RBPJ: variants seen among roughly 807,000 people sequenced by gnomAD.
RBPJ encodes recombination signal binding protein for immunoglobulin kappa J region.
RBPJ carries 9 observed loss-of-function variants against 67.8 expected under a neutral mutation model. The observed-to-expected ratio is 0.13, with a 90% CI of 0.08 to 0.23. The LOEUF is 0.23. RBPJ is among the 10% of genes least tolerant of loss of function. The probability of loss-of-function intolerance (pLI) is 1.00; values close to 1 mark genes in which losing one functional copy is unlikely to be tolerated. For missense variants in RBPJ, 305 were observed against 595.6 expected (o/e 0.51, Z 5.08); for synonymous variants, 198 against 203.3 (o/e 0.97, Z 0.22).
chr4:26,168,531 G>A (rs1716412982), intron 1 of RBPJ, among the ~76,000 whole-genome samples: 2 of 152,136 alleles, frequency 1.3e-5, no homozygotes, highest in African/African-American at 2.4e-5. Flanking sequence ...CAACTTTGGT[G>A]AATCTGACAA....
intron 1 of RBPJ, among the ~76,000 whole-genome samples, chr4:26,294,555 G>A (rs191395436): frequency 2.2e-4 from 34 of 152,228 alleles, no homozygotes; most frequent in East Asian, 1.2e-3. Flanking sequence ...ATGGTGCCCC[G>A]GACTAGGGCG....
chr4:26,164,564 A>G (rs1052496759), intron 1 of RBPJ, among the ~76,000 whole-genome samples: 1 of 152,252 alleles, frequency 6.6e-6, no homozygotes, highest in African/African-American at 2.4e-5. Context: ...CTGCATGTCT[A>G]CAACATGGCT....
At chr4:26,123,194 C>G in the RBPJ span, among the ~76,000 whole-genome samples, 1 of 152,146 alleles carries the variant, frequency 6.6e-6, no homozygotes, top group Admixed American at 6.5e-5. Flanking sequence ...GCCTATTGCT[C>G]CCAGAATACA....
At chr4:26,241,101 G>A (rs369831022) in intron 1 of RBPJ, among the ~76,000 whole-genome samples, 1 of 151,998 alleles carries the variant, frequency 6.6e-6, no homozygotes, top group East Asian at 1.9e-4. Flanking sequence ...GGAGGCTGAG[G>A]TGGGAGGATC....
chr4:26,135,761 G>C, the RBPJ span, among the ~76,000 whole-genome samples: 585 of 152,262 alleles, frequency 3.8e-3, 4 homozygotes, highest in African/African-American at 0.013. Flanking sequence ...TTCACAGCTC[G>C]CCTGGGAAGT....
chr4:26,432,552 AC>A lies in RBPJ; in HGVS notation c.*1547del, dbSNP rs1187459937. 6.6e-6 allele frequency: 1 copy of A among 152,164 alleles called. No homozygotes were observed. Among genetic ancestry groups the A allele is most frequent in the African/African-American group, 2.4e-5 (1 of 41,440 alleles). The allele number at this position is 152,164 out of a possible 1,614,324, so 9.4% of individuals were successfully genotyped here. A position where few individuals can be genotyped will look rare whatever the true frequency, so the allele number is the denominator to read the frequency against. On this transcript the variant is annotated 3_prime_UTR_variant, in exon 11 of 11. Transcript: ENST00000355476. Reference sequence around the variant, plus strand: ...CTTGCTTGCTAACCCCGCCGGTTTTACCGTGCTTTCATTCCTGAACTTTGTT... The same window carrying A: ...CTTGCTTGCTAACCCCGCCGGTTTTACGTGCTTTCATTCCTGAACTTTGTT...
rs541422426 is a variant in RBPJ, at chr4:26,253,346, C to G, written c.-167+89732C>G. ...TTTTTTTTTGAGACGGAGTCTCGCT[C>G]TGTCGCCCAGGCTGGAGTGCAGTGG... On this transcript the variant is annotated intron_variant, in intron 1 of 4. Transcript: ENST00000512351. 6.5e-5 allele frequency among the ~76,000 whole-genome samples: 8 copies of G among 123,706 alleles called. No individual in the cohort carries two copies. The East Asian group carries it at 1.6e-3, about 25-fold the overall frequency. 81.2% of individuals were successfully genotyped at this position (123,706 alleles called of 152,430 possible). A position where few individuals can be genotyped will look rare whatever the true frequency, so the allele number is the denominator to read the frequency against.
chr4:26,207,720 CA>C (rs1207568646), intron 1 of RBPJ, among the ~76,000 whole-genome samples: 2 of 152,108 alleles, frequency 1.3e-5, no homozygotes, highest in African/African-American at 4.8e-5. Context: ...AAATTACAAA[CA>C]ACGATTGCAT....
chr4:26,187,624 G>T (rs1717320487), intron 1 of RBPJ, among the ~76,000 whole-genome samples: 1 of 152,130 alleles, frequency 6.6e-6, no homozygotes, highest in Non-Finnish European at 1.5e-5. Flanking sequence ...ATATATTCAT[G>T]AATAACTGTT....
the RBPJ span, among the ~76,000 whole-genome samples, chr4:26,122,325 T>C: frequency 2.6e-5 from 4 of 152,290 alleles, no homozygotes; most frequent in South Asian, 8.3e-4. Context: ...TCCCATTAAG[T>C]TGATTTGGGT....
intron 1 of RBPJ, among the ~76,000 whole-genome samples, chr4:26,369,827 CCA>C (rs1480949667): frequency 1.3e-5 from 2 of 152,040 alleles, no homozygotes; most frequent in African/African-American, 4.8e-5. Context: ...CTTTTGTACT[CCA>C]GTGTTCTCTG....
At chr4:26,316,644 A>G (rs1196755093), upstream of RBPJ, among the ~76,000 whole-genome samples, 1 of 142,766 alleles carries the variant, frequency 7.0e-6, no homozygotes, top group African/African-American at 2.6e-5. Flanking sequence ...TGATATATAT[A>G]TACACATATT....
At chr4:26,214,713 G>GAAGGAGAGAGAGAGAAAGAAAGAGGGA (rs1560213886) in intron 1 of RBPJ, among the ~76,000 whole-genome samples, 27 of 43,172 alleles carry the variant, frequency 6.3e-4, no homozygotes, top group African/African-American at 4.9e-3. Flanking sequence ...AGGAAGGAAG[G>GAAGGAGAGAGAGAGAAAGAAAGAGGGA]AGAGAGAGAG....
rs185624876 is a variant in RBPJ, at chr4:26,204,070, G to A, written c.-167+40456G>A. On this transcript the variant is annotated intron_variant, in intron 1 of 4. Transcript: ENST00000512351. ...AGCTATCCTCCCGCCTCAGCCTCCC[G>A]AGTAGCTGGGACCACAGGTGCGTGC... 1.3e-3 allele frequency among the ~76,000 whole-genome samples: 201 copies of A among 152,158 alleles called. 1 individual carries two copies. The highest frequency in any genetic ancestry group is 4.6e-3 in the African/African-American group (191 of 41,516).
chr4:26,166,834 G>T (rs1456032388), intron 1 of RBPJ, among the ~76,000 whole-genome samples: 1 of 152,118 alleles, frequency 6.6e-6, no homozygotes, highest in East Asian at 1.9e-4. Flanking sequence ...TTCTTCTAGG[G>T]TTTTTATGGT....
downstream of RBPJ, chr4:26,435,051 T>G (rs1029895706): frequency 2.6e-5 from 4 of 152,242 alleles, no homozygotes; most frequent in Non-Finnish European, 4.4e-5. Context: ...CACATCAAAG[T>G]GATAGCTCTA....
intron 1 of RBPJ, among the ~76,000 whole-genome samples, chr4:26,184,241 G>A (rs545937409): frequency 1.3e-5 from 2 of 151,846 alleles, no homozygotes; most frequent in East Asian, 2.0e-4. Context: ...GACAAGTGGT[G>A]GACTATTCAA....
At chr4:26,400,150 T>G (rs1732621741) in intron 2 of RBPJ, among the ~76,000 whole-genome samples, 1 of 152,244 alleles carries the variant, frequency 6.6e-6, no homozygotes, top group Non-Finnish European at 1.5e-5. Flanking sequence ...AATAAAATTT[T>G]TGGTATTTTT....
At chr4:26,169,352 C>T (rs1716462027) in intron 1 of RBPJ, among the ~76,000 whole-genome samples, 1 of 152,232 alleles carries the variant, frequency 6.6e-6, no homozygotes, top group Non-Finnish European at 1.5e-5. Flanking sequence ...ACCCTATTTG[C>T]CTGGGTATCA....
Sources: allele counts gnomAD v4.1 joint callset (sites outside exome capture counted in the v4.1 genomes callset), GRCh38; gene constraint gnomAD v4.1.1; transcripts MANE v1.5; gene names NCBI Gene and HGNC (gene_info 2026-07-23, HGNC 2026-07-21).